Variants in NAALADL2 observed in about 807,000 individuals in gnomAD.
NAALADL2 encodes inactive N-acetylated-alpha-linked acidic dipeptidase-like protein 2.
Under a neutral mutation model 87.2 loss-of-function variants are expected in NAALADL2, and 76 were observed. The observed-to-expected ratio is 0.87, with a 90% CI of 0.72 to 1.05. The LOEUF is 1.05. NAALADL2 is among the 50% of genes least tolerant of loss of function. The pLI is 0.00. For missense variants in NAALADL2, 1,089 were observed against 945.8 expected (o/e 1.15, Z -1.99); for synonymous variants, 354 against 331.0 (o/e 1.07, Z -0.75).
chr3:174,722,246 A>T (rs1007289619), intron 2 of NAALADL2, among the ~76,000 whole-genome samples: 1 of 152,194 alleles, frequency 6.6e-6, no homozygotes, highest in Non-Finnish European at 1.5e-5. Context: ...TGGTGCATGA[A>T]GGTATGGGTT....
chr3:175,302,170 T>A (rs576539689), intron 4 of NAALADL2, among the ~76,000 whole-genome samples: 1 of 152,328 alleles, frequency 6.6e-6, no homozygotes, highest in East Asian at 1.9e-4. Context: ...CTGCTGAGCC[T>A]AAGTTATTAC....
At chr3:175,629,509 T>C (rs1474623881) in intron 11 of NAALADL2, among the ~76,000 whole-genome samples, 5 of 151,558 alleles carry the variant, frequency 3.3e-5, no homozygotes, top group Non-Finnish European at 4.4e-5. Flanking sequence ...AATAGTAATA[T>C]TTTCTCCATT....
At chr3:174,892,255 CAG>C (rs1730945982) in intron 1 of NAALADL2, among the ~76,000 whole-genome samples, 1 of 152,104 alleles carries the variant, frequency 6.6e-6, no homozygotes, top group African/African-American at 2.4e-5. Flanking sequence ...CCTGGAGAAA[CAG>C]AGATATGTGA....
chr3:175,511,100 G>A (rs2149394368), intron 9 of NAALADL2, among the ~76,000 whole-genome samples: 1 of 152,250 alleles, frequency 6.6e-6, no homozygotes, highest in South Asian at 2.1e-4. Context: ...ATGATAGTAA[G>A]ATAGTAAAAG....
At chr3:175,481,760 T>TA (rs1726505531) in intron 9 of NAALADL2, among the ~76,000 whole-genome samples, 1 of 151,786 alleles carries the variant, frequency 6.6e-6, no homozygotes, top group African/African-American at 2.4e-5. Context: ...TACCTAGCAA[T>TA]AAAAAAGAAT....
At position 175,729,862 on chromosome 3, in the gene NAALADL2, C is replaced by T. The variant is rs990083811; in HGVS notation, c.1897-7444C>T. Among the ~76,000 whole-genome samples the T allele has an allele frequency of 3.3e-5, 5 of 149,646 alleles. No individual in the cohort carries two copies. The South Asian group carries it at 1.1e-3, about 32-fold the overall frequency. On this transcript the variant is annotated intron_variant, in intron 11 of 13. Transcript: ENST00000454872. ...AGGTGTTATGCTTATCTTACAGCAT[C>T]AACTTTCATAGTAGGGCTCTATTGC...
At chr3:174,712,174 G>A (rs1730703053) in intron 2 of NAALADL2, among the ~76,000 whole-genome samples, 2 of 152,060 alleles carry the variant, frequency 1.3e-5, no homozygotes, top group Non-Finnish European at 2.9e-5. Context: ...TAGACTGGAT[G>A]AGTTATTGAT....
intron 11 of NAALADL2, among the ~76,000 whole-genome samples, chr3:175,697,820 TAC>T: frequency 9.4e-6 from 1 of 106,210 alleles, no homozygotes; most frequent in African/African-American, 3.5e-5. Flanking sequence ...TATGTATGTA[TAC>T]ATATATATGT....
intron 3 of NAALADL2, among the ~76,000 whole-genome samples, chr3:175,245,146 T>C (rs1188003660): frequency 2.0e-5 from 3 of 152,174 alleles, no homozygotes; most frequent in Non-Finnish European, 2.9e-5. Flanking sequence ...ATATTTTTGC[T>C]TTTAAAATAA....
chr3:175,319,344 A>T (rs1371420385), intron 4 of NAALADL2, among the ~76,000 whole-genome samples: 3 of 144,642 alleles, frequency 2.1e-5, no homozygotes, highest in Non-Finnish European at 4.6e-5. Context: ...TGTTCATTAC[A>T]CCAAAAATTG....
intron 3 of NAALADL2, among the ~76,000 whole-genome samples, chr3:174,833,593 A>C (rs1295142902): frequency 6.6e-6 from 1 of 152,090 alleles, no homozygotes; most frequent in Non-Finnish European, 1.5e-5. Flanking sequence ...CTAGACAAAT[A>C]AAAAACTTCC....
intron 1 of NAALADL2, among the ~76,000 whole-genome samples, chr3:174,513,206 T>A (rs55938025): frequency 0.031 from 4,786 of 152,174 alleles, 241 homozygotes; most frequent in African/African-American, 0.11. Context: ...CTGATCTACC[T>A]GCCTTGGCCT....
chr3:175,132,120 C>T (rs1260403981), intron 2 of NAALADL2, among the ~76,000 whole-genome samples: 3 of 126,230 alleles, frequency 2.4e-5, no homozygotes, highest in Admixed American at 7.5e-5. Context: ...GATGGGGCGG[C>T]TGGCCGGGCG....
intron 3 of NAALADL2, among the ~76,000 whole-genome samples, chr3:174,779,986 A>C (rs1715736721): frequency 6.6e-6 from 1 of 152,062 alleles, no homozygotes; most frequent in South Asian, 2.1e-4. Flanking sequence ...AATTTAAAGT[A>C]GTTTTTTCTA....
At chr3:174,591,033 A>AC (rs762689885) in intron 2 of NAALADL2, among the ~76,000 whole-genome samples, 2 of 152,128 alleles carry the variant, frequency 1.3e-5, no homozygotes, top group Non-Finnish European at 2.9e-5. Flanking sequence ...CTGAGGAGAA[A>AC]CCAGAACTAA....
chr3:175,772,486 A>G (rs1291720872), intron 13 of NAALADL2, among the ~76,000 whole-genome samples: 3 of 152,154 alleles, frequency 2.0e-5, no homozygotes, highest in African/African-American at 7.2e-5. Context: ...TCACCCTAAC[A>G]AGCTTCTTCA....
At chr3:175,201,680 T>C (rs994106923) in intron 2 of NAALADL2, among the ~76,000 whole-genome samples, 16 of 152,184 alleles carry the variant, frequency 1.1e-4, no homozygotes, top group African/African-American at 3.9e-4. Flanking sequence ...CTTTTAACTT[T>C]GTACACTAAT....
At chr3:174,863,762 C>G (rs540650793) in intron 1 of NAALADL2, 34 of 209,500 alleles carry the variant, frequency 1.6e-4, no homozygotes, top group Non-Finnish European at 2.6e-4. Flanking sequence ...GCCTTGAAAT[C>G]TTTGTGATGC....
intron 9 of NAALADL2, among the ~76,000 whole-genome samples, chr3:175,521,726 A>G (rs1265505145): frequency 6.6e-6 from 1 of 152,164 alleles, no homozygotes; most frequent in Non-Finnish European, 1.5e-5. Flanking sequence ...TCTACAAGCT[A>G]AGAAGTGCCA....
Sources: gnomAD v4.1 joint callset for allele counts (sites outside exome capture counted in the v4.1 genomes callset) on GRCh38, gnomAD v4.1.1 for gene constraint, MANE v1.5 for transcripts, NCBI Gene and HGNC (gene_info 2026-07-23, HGNC 2026-07-21) for gene names.